The following PCSK4 variants were observed in gnomAD, a reference collection of about 807,000 sequenced individuals.
PCSK4 encodes the protein proprotein convertase subtilisin/kexin type 4, also known as testicular tissue protein Li 135.
Under a neutral mutation model 80.3 loss-of-function variants are expected in PCSK4, and 64 were observed. The ratio of observed to expected loss-of-function variants is 0.80; its 90% CI spans 0.65 to 0.98. The LOEUF is 0.98. Ranked by LOEUF, PCSK4 falls within the 50% of genes least tolerant of loss-of-function variation. The pLI, the probability that PCSK4 is intolerant of heterozygous loss-of-function variation, is 0.00. For missense variants in PCSK4, 1,213 were observed against 1,093.6 expected (o/e 1.11, Z -1.54); for synonymous variants, 561 against 487.6 (o/e 1.15, Z -1.98).
chr19:1,483,231 AGCGT>A, intron 12 of PCSK4, 49 bp downstream of exon 12: 2 of 1,456,078 alleles, frequency 1.4e-6, no homozygotes, highest in South Asian at 2.7e-5. Flanking sequence ...GGTAGATGGC[AGCGT>A]TTACCGACAG....
At chr19:1,489,637 C>T in intron 2 of PCSK4, 156 bp downstream of exon 2, 2 of 1,327,250 alleles carry the variant, frequency 1.5e-6, no homozygotes, top group South Asian at 1.5e-5. Context: ...GGTCTTCCTG[C>T]CTCCTCTTGC....
exon 13 of PCSK4, chr19:1,482,918 G>T: frequency 1.9e-6 from 3 of 1,600,492 alleles, no homozygotes; most frequent in Non-Finnish European, 2.6e-6. Flanking sequence ...AGTAGCCCTT[G>T]TTCTCTAGGC....
At chr19:1,486,885 A>G (rs1430287955) in exon 8 of PCSK4, 1 of 1,600,090 alleles carries the variant, frequency 6.2e-7, no homozygotes, top group South Asian at 1.1e-5. Flanking sequence ...CCGCTGCTGT[A>G]GGTGGTGGTG....
At chr19:1,483,347 C>G (rs1345223751) in exon 12 of PCSK4, 1 of 1,610,090 alleles carries the variant, frequency 6.2e-7, no homozygotes. Flanking sequence ...CAGGTCTCCG[C>G]GCCGGCTGTA....
chr19:1,483,713 G>T (rs759068500), exon 11 of PCSK4: 5 of 1,596,244 alleles, frequency 3.1e-6, no homozygotes, highest in Non-Finnish European at 3.4e-6. Flanking sequence ...CCAGGTGCGG[G>T]CGGTGTCCAC....
chr19:1,482,186 A>G, exon 15 of PCSK4: 1 of 1,549,404 alleles, frequency 6.5e-7, no homozygotes, highest in Non-Finnish European at 8.7e-7. Flanking sequence ...CTGTCCCAGG[A>G]TGTAGGCGGG....
intron 4 of PCSK4, 39 bp downstream of exon 4, chr19:1,487,925 C>T: frequency 4.4e-6 from 7 of 1,589,754 alleles, no homozygotes; most frequent in Non-Finnish European, 6.0e-6. Context: ...AGCCTCGGCA[C>T]CTGGGGCAGC....
At position 1,488,109 on chromosome 19, in the gene PCSK4, G is replaced by A; in HGVS notation, c.388-17C>T. On this transcript the variant is annotated splice_polypyrimidine_tract_variant and intron_variant, in intron 3 of 14. Transcript: ENST00000300954. ...CTCGCTGTTCTGCAGGGGGAGGCGG[G>A]GTTGTGACCCTGTGAGGGCCTGGAG... The A allele has an allele frequency of 1.2e-6, 2 of 1,612,776 alleles. No individual in the cohort carries two copies. Among genetic ancestry groups the A allele is most frequent in the South Asian group, 2.2e-5 (2 of 91,064 alleles).
exon 5 of PCSK4, chr19:1,487,803 G>A (rs1375027113): frequency 1.3e-6 from 2 of 1,578,562 alleles, no homozygotes; most frequent in Non-Finnish European, 1.7e-6. Flanking sequence ...TTTGCTGGGG[G>A]TGTAGCGGGG....
exon 14 of PCSK4, chr19:1,482,408 G>A (rs200245010): frequency 2.5e-6 from 4 of 1,604,298 alleles, no homozygotes; most frequent in Non-Finnish European, 1.7e-6. Context: ...TCACCTGGGG[G>A]CCTGTAGGCC....
intron 8 of PCSK4, among the ~76,000 whole-genome samples, chr19:1,486,528 C>T (rs1030932685): frequency 6.7e-6 from 1 of 149,396 alleles, no homozygotes; most frequent in East Asian, 2.0e-4. Context: ...GATCTCCCGA[C>T]CTCGTGATCC....
Position 1,483,634 on chromosome 19 carries a change from CGCGCAGGG to C in PCSK4, c.1391+8_1391+15del, listed in dbSNP as rs752484526. The C allele has an allele frequency of 6.4e-7, 1 of 1,556,124 alleles. No individual in the cohort carries two copies. Among genetic ancestry groups the C allele is most frequent in the South Asian group, 1.2e-5 (1 of 86,482 alleles). ...ACCCCCAGCGGGGATAGCGGAGGGG[CGCGCAGGG>C]GTCTCACGTGGGGCGGCTCTGGACC... On this transcript the variant is annotated splice_region_variant and intron_variant, in intron 11 of 14. Coordinates refer to ENST00000300954, the Ensembl canonical transcript of PCSK4.
chr19:1,490,213 CCCTGGGACA>C, exon 1 of PCSK4: 1 of 1,613,348 alleles, frequency 6.2e-7, no homozygotes, highest in Non-Finnish European at 8.5e-7. Context: ...CTCCCGGTTA[CCCTGGGACA>C]CCTGGACGGC....
chr19:1,489,885 C>G, exon 2 of PCSK4: 2 of 1,608,742 alleles, frequency 1.2e-6, no homozygotes, highest in Non-Finnish European at 1.7e-6. Context: ...AAGTACTGCC[C>G]GTCAGGGAAG....
rs1568221035 is a variant in PCSK4 at position 1,487,946 on chromosome 19, A to G, written c.516+18T>C. 2 of 1,600,030 alleles carry G rather than the reference A, an allele frequency of 1.2e-6. No individual in the cohort carries two copies. The highest frequency in any genetic ancestry group is 1.7e-6 in the Non-Finnish European group (2 of 1,170,248). On this transcript the variant is annotated intron_variant, in intron 4 of 14. Coordinates refer to ENST00000300954, the Ensembl canonical transcript of PCSK4. ...GGCACCTGGGGCAGCCCTCGCCCAC[A>G]GCCACCCGCGGTCTCACGTAGTTGG...
intron 1 of PCSK4, 84 bp from the exon 2 acceptor site, chr19:1,489,981 T>C (rs2084857302): frequency 6.5e-7 from 1 of 1,536,262 alleles, no homozygotes; most frequent in East Asian, 2.5e-5. Context: ...CCCCCTTCTT[T>C]GTCCTTCCCC....
chr19:1,489,185 G>C (rs780622570), intron 2 of PCSK4, among the ~76,000 whole-genome samples: 1 of 148,180 alleles, frequency 6.7e-6, no homozygotes. Flanking sequence ...AGGCTGGAGT[G>C]CAATGGCGCG....
exon 3 of PCSK4, chr19:1,488,192 T>C: frequency 1.1e-5 from 17 of 1,613,578 alleles, no homozygotes; most frequent in Non-Finnish European, 1.4e-5. Flanking sequence ...GCTCACCATG[T>C]ACCACTGCTT....
chr19:1,489,847 C>G lies in PCSK4; in HGVS notation c.240G>C (p.Gln80His), dbSNP rs941143753. 17 of 1,611,020 alleles carry G rather than the reference C, an allele frequency of 1.1e-5. No individual in the cohort carries two copies. The highest frequency in any genetic ancestry group is 9.3e-5 in the African/African-American group (7 of 74,896). The change falls in exon 2 of 15, where the codon CAG becomes CAC. Residue 80 changes from glutamine to histidine, a missense_variant. Physicochemically the swap from Gln to His is conservative, Grantham distance 24 (BLOSUM62 0). Transcript: ENST00000300954. ...GGCCCCAGTGCGGGGTCAGGGACTG[C>G]TGGACCACGCCCCGGTGCCGCAGGT...
Sources: allele counts gnomAD v4.1 joint callset (sites outside exome capture counted in the v4.1 genomes callset), GRCh38; gene constraint gnomAD v4.1.1; transcripts MANE v1.5; gene names NCBI Gene and HGNC (gene_info 2026-07-23, HGNC 2026-07-21).